The following ADRA1B variants were observed in gnomAD, a reference collection of about 807,000 sequenced individuals.
ADRA1B encodes alpha-1B adrenergic receptor.
ADRA1B carries 17 observed loss-of-function variants against 17.9 expected under a neutral mutation model. The ratio of observed to expected loss-of-function variants is 0.95; its 90% CI spans 0.65 to 1.42. The LOEUF (loss-of-function observed/expected upper bound fraction) is 1.42. Ranked by LOEUF, ADRA1B falls within the 40% of genes most tolerant of loss-of-function variation. The pLI, the probability that ADRA1B is intolerant of heterozygous loss-of-function variation, is 0.00. For synonymous variants in ADRA1B, 366 were observed against 327.6 expected (o/e 1.12, Z -1.27); for missense variants, 681 against 722.1 (o/e 0.94, Z 0.65).
intron 1 of ADRA1B, among the ~76,000 whole-genome samples, chr5:159,925,713 A>G (rs932873546): frequency 1.3e-5 from 2 of 152,232 alleles, no homozygotes; most frequent in Non-Finnish European, 2.9e-5. Context: ...CCACATACGT[A>G]TATTCAACAG....
chr5:159,916,013 G>A (rs554367282), upstream of ADRA1B: 7 of 152,448 alleles, frequency 4.6e-5, no homozygotes, highest in African/African-American at 1.7e-4. Flanking sequence ...GGGCCAAAGA[G>A]TTTGCACGGG....
chr5:159,967,772 T>G (rs973134466), intron 1 of ADRA1B, among the ~76,000 whole-genome samples: 4 of 152,170 alleles, frequency 2.6e-5, no homozygotes, highest in African/African-American at 9.7e-5. Flanking sequence ...ACCCAAAATG[T>G]GGCAGTAAAT....
At chr5:159,869,571 A>C (rs1162514408) in intron 1 of ADRA1B, 1 of 152,260 alleles carries the variant, frequency 6.6e-6, no homozygotes, top group Non-Finnish European at 1.5e-5. Flanking sequence ...TAGTTGTAGA[A>C]GACATGTTTG....
At chr5:159,957,135 G>A (rs1460209363) in intron 1 of ADRA1B, among the ~76,000 whole-genome samples, 3 of 152,178 alleles carry the variant, frequency 2.0e-5, no homozygotes, top group Non-Finnish European at 4.4e-5. Context: ...GCCTCCCAAA[G>A]TGCTGGAATT....
chr5:159,882,686 T>C (rs1340791722), intron 1 of ADRA1B, among the ~76,000 whole-genome samples: 1 of 152,158 alleles, frequency 6.6e-6, no homozygotes, highest in Non-Finnish European at 1.5e-5. Context: ...CAGCTGTGCT[T>C]GGTAATATCC....
chr5:159,954,783 A>G (rs1202478746), intron 1 of ADRA1B, among the ~76,000 whole-genome samples: 1 of 152,184 alleles, frequency 6.6e-6, no homozygotes, highest in Non-Finnish European at 1.5e-5. Flanking sequence ...CCAAGCTACC[A>G]TATGTAGCCA....
intron 1 of ADRA1B, among the ~76,000 whole-genome samples, chr5:159,909,795 A>G (rs1160710760): frequency 1.3e-5 from 2 of 152,362 alleles, no homozygotes; most frequent in East Asian, 1.9e-4. Flanking sequence ...GAGTTACAAC[A>G]GAGAGGCTCC....
chr5:159,950,428 C>T (rs1314924253), intron 1 of ADRA1B: 1 of 796,012 alleles, frequency 1.3e-6, no homozygotes, highest in African/African-American at 1.7e-5. Context: ...GTGGCAGGGA[C>T]TCCCCATCAG....
the ADRA1B span, among the ~76,000 whole-genome samples, chr5:159,988,959 C>T: frequency 2.6e-5 from 4 of 152,198 alleles, no homozygotes; most frequent in Non-Finnish European, 5.9e-5. Flanking sequence ...GTGAATAATG[C>T]TGCTATGAGG....
chr5:159,878,303 A>G (rs1753823511), intron 1 of ADRA1B, among the ~76,000 whole-genome samples: 1 of 152,192 alleles, frequency 6.6e-6, no homozygotes, highest in Admixed American at 6.5e-5. Flanking sequence ...TGCACTGGGC[A>G]GCTGGGATCC....
At chr5:159,881,189 A>G (rs1395721350) in intron 1 of ADRA1B, among the ~76,000 whole-genome samples, 16 of 127,718 alleles carry the variant, frequency 1.3e-4, no homozygotes, top group African/African-American at 4.4e-4. Flanking sequence ...TCAAAAAAAA[A>G]AAAAAAAAAA....
At chr5:159,900,820 G>T (rs377156040) in intron 1 of ADRA1B, among the ~76,000 whole-genome samples, 5 of 152,228 alleles carry the variant, frequency 3.3e-5, no homozygotes, top group Non-Finnish European at 5.9e-5. Flanking sequence ...CTAAGGACCA[G>T]CTCAGAGTGT....
downstream of ADRA1B, among the ~76,000 whole-genome samples, chr5:159,977,177 C>T (rs189072333): frequency 1.5e-4 from 23 of 152,274 alleles, no homozygotes; most frequent in African/African-American, 4.6e-4. Context: ...ATTCCCACCC[C>T]GCTAAATCTC....
the ADRA1B span, among the ~76,000 whole-genome samples, chr5:159,983,963 G>A: frequency 6.6e-6 from 1 of 152,012 alleles, no homozygotes. Context: ...AACCCTGCTT[G>A]TCAAGGTCAT....
intron 1 of ADRA1B, among the ~76,000 whole-genome samples, chr5:159,882,153 T>A (rs1280677555): frequency 6.6e-6 from 1 of 152,178 alleles, no homozygotes; most frequent in Non-Finnish European, 1.5e-5. Flanking sequence ...GAGGAGGAAC[T>A]ATGGAAATGT....
At chr5:159,927,086 G>A (rs187686514) in intron 1 of ADRA1B, among the ~76,000 whole-genome samples, 11 of 152,192 alleles carry the variant, frequency 7.2e-5, no homozygotes, top group South Asian at 6.2e-4. Flanking sequence ...GTCAAGACCC[G>A]TGTGGACACA....
At chr5:159,922,623 C>G (rs1754517997) in intron 1 of ADRA1B, among the ~76,000 whole-genome samples, 1 of 152,176 alleles carries the variant, frequency 6.6e-6, no homozygotes, top group Admixed American at 6.5e-5. Flanking sequence ...TCGATGTTCT[C>G]CTGTACTGTG....
At chr5:159,946,027 G>A (rs1396984433) in intron 1 of ADRA1B, among the ~76,000 whole-genome samples, 5 of 152,182 alleles carry the variant, frequency 3.3e-5, no homozygotes, top group Admixed American at 1.3e-4. Context: ...GATTACAGGC[G>A]TGAGCCACCG....
chr5:159,894,399 C>A (rs145588470), intron 1 of ADRA1B, among the ~76,000 whole-genome samples: 3 of 152,176 alleles, frequency 2.0e-5, no homozygotes, highest in Non-Finnish European at 1.5e-5. Context: ...CCATATAATA[C>A]GCTCTACTCC....
Sources: allele counts gnomAD v4.1 joint callset (sites outside exome capture counted in the v4.1 genomes callset), GRCh38; gene constraint gnomAD v4.1.1; transcripts MANE v1.5; gene names NCBI Gene and HGNC (gene_info 2026-07-23, HGNC 2026-07-21).